GOLGA4: variants seen among roughly 807,000 people sequenced by gnomAD.
The protein encoded by GOLGA4 is golgin subfamily A member 4.
GOLGA4 carries 169 observed loss-of-function variants against 265.9 expected under a neutral mutation model. The observed-to-expected ratio is 0.64, with a 90% CI of 0.56 to 0.72. GOLGA4 has a LOEUF of 0.72. Ranked by LOEUF, GOLGA4 falls within the 30% of genes least tolerant of loss-of-function variation. The probability of loss-of-function intolerance (pLI) is 0.00; values close to 1 mark genes in which losing one functional copy is unlikely to be tolerated. For missense variants in GOLGA4, 2,482 were observed against 2,483.4 expected (o/e 1.00, Z 0.01); for synonymous variants, 923 against 855.8 (o/e 1.08, Z -1.37).
chr3:37,296,475 T>C (rs2096878629), intron 7 of GOLGA4, among the ~76,000 whole-genome samples: 1 of 152,150 alleles, frequency 6.6e-6, no homozygotes, highest in African/African-American at 2.4e-5. Flanking sequence ...TGGGCTGAGG[T>C]AGAAGTGTCC....
intron 2 of GOLGA4, chr3:37,275,768 G>C: frequency 6.2e-7 from 1 of 1,613,434 alleles, no homozygotes; most frequent in Non-Finnish European, 8.5e-7. Context: ...TGGAGCATTG[G>C]ATTTGCTAAA....
chr3:37,276,560 G>T, intron 2 of GOLGA4: 2 of 1,596,360 alleles, frequency 1.3e-6, no homozygotes, highest in South Asian at 1.1e-5. Context: ...AACATTTGTT[G>T]TCTGTAATGA....
chr3:37,248,967 CAA>C (rs1168314199), intron 1 of GOLGA4, among the ~76,000 whole-genome samples: 2 of 152,180 alleles, frequency 1.3e-5, no homozygotes, highest in African/African-American at 4.8e-5. Flanking sequence ...GTTGATTAGT[CAA>C]GAGGTATTTC....
intron 2 of GOLGA4, among the ~76,000 whole-genome samples, chr3:37,271,713 A>G (rs2096799231): frequency 6.6e-6 from 1 of 152,132 alleles, no homozygotes; most frequent in South Asian, 2.1e-4. Context: ...TTCCATCAGT[A>G]AATATTTTGG....
chr3:37,273,388 G>A, intron 2 of GOLGA4: 1 of 602,468 alleles, frequency 1.7e-6, no homozygotes, highest in Non-Finnish European at 2.9e-6. Context: ...TGCCTTGCAT[G>A]AAAACATTCT....
intron 3 of GOLGA4, among the ~76,000 whole-genome samples, chr3:37,283,775 C>T (rs2096841009): frequency 6.6e-6 from 1 of 152,178 alleles, no homozygotes; most frequent in Non-Finnish European, 1.5e-5. Context: ...GATCCTCCCA[C>T]CTCAGCCTCC....
intron 2 of GOLGA4, among the ~76,000 whole-genome samples, chr3:37,259,228 T>G (rs1323170245): frequency 6.6e-6 from 1 of 152,216 alleles, no homozygotes; most frequent in Non-Finnish European, 1.5e-5. Flanking sequence ...GTTTGTCCAT[T>G]TCATTTATCT....
intron 17 of GOLGA4, among the ~76,000 whole-genome samples, chr3:37,335,456 C>T (rs79693326): frequency 6.6e-6 from 1 of 152,140 alleles, no homozygotes; most frequent in East Asian, 1.9e-4. Flanking sequence ...TCCATGGAAA[C>T]AATAGCAGAG....
At chr3:37,359,473 T>G (rs1309375077) in intron 22 of GOLGA4, among the ~76,000 whole-genome samples, 2 of 152,228 alleles carry the variant, frequency 1.3e-5, no homozygotes, top group East Asian at 3.8e-4. Context: ...TAGCAAAATG[T>G]AATGACATAA....
intron 7 of GOLGA4, among the ~76,000 whole-genome samples, chr3:37,297,977 C>T (rs771303134): frequency 1.1e-4 from 16 of 151,494 alleles, no homozygotes; most frequent in Non-Finnish European, 1.9e-4. Flanking sequence ...TGCAGTGAGC[C>T]GAGATCATGC....
chr3:37,260,902 C>T (rs1359656043), intron 2 of GOLGA4, among the ~76,000 whole-genome samples: 2 of 151,736 alleles, frequency 1.3e-5, no homozygotes, highest in East Asian at 1.9e-4. Flanking sequence ...TGTGGTGGCT[C>T]ACACCTGTAA....
intron 19 of GOLGA4, among the ~76,000 whole-genome samples, chr3:37,338,178 C>T (rs1426899069): frequency 6.6e-6 from 1 of 152,092 alleles, no homozygotes; most frequent in Non-Finnish European, 1.5e-5. Context: ...ACAGTACACC[C>T]ATACCAGGAT....
At chr3:37,301,932 G>T (rs936778354) in intron 9 of GOLGA4, among the ~76,000 whole-genome samples, 1 of 152,098 alleles carries the variant, frequency 6.6e-6, no homozygotes, top group Admixed American at 6.6e-5. Flanking sequence ...GGGATTACAG[G>T]CATATACCAC....
chr3:37,315,165 C>G (rs1303397394), intron 10 of GOLGA4, among the ~76,000 whole-genome samples: 3 of 152,054 alleles, frequency 2.0e-5, no homozygotes, highest in Non-Finnish European at 4.4e-5. Flanking sequence ...TTATTTTTTC[C>G]AAACTTCTAA....
intron 4 of GOLGA4, among the ~76,000 whole-genome samples, chr3:37,287,151 G>A (rs1368304112): frequency 6.6e-6 from 1 of 152,200 alleles, no homozygotes. Context: ...GATGAGCCTG[G>A]CCAACATGAT....
chr3:37,259,005 G>A (rs2096762187), intron 2 of GOLGA4, among the ~76,000 whole-genome samples: 2 of 152,094 alleles, frequency 1.3e-5, no homozygotes. Context: ...AACGAGTTGG[G>A]AAGTGTTCAC....
At chr3:37,349,238 A>G (rs1287691927) in intron 21 of GOLGA4, among the ~76,000 whole-genome samples, 2 of 152,148 alleles carry the variant, frequency 1.3e-5, no homozygotes, top group African/African-American at 4.8e-5. Context: ...ACCATCTCTA[A>G]CTTTAAGGCG....
intron 2 of GOLGA4, among the ~76,000 whole-genome samples, chr3:37,260,709 A>G (rs746291139): frequency 6.6e-6 from 1 of 152,128 alleles, no homozygotes; most frequent in Non-Finnish European, 1.5e-5. Flanking sequence ...AAGACACTAA[A>G]GTTTTTTGCT....
intron 6 of GOLGA4, 73 bp from the exon 7 acceptor site, chr3:37,296,014 A>G: frequency 4.4e-6 from 6 of 1,353,756 alleles, no homozygotes; most frequent in Non-Finnish European, 6.3e-6. Context: ...AATCCCCCAC[A>G]GATACCAAGG....
Sources: allele counts gnomAD v4.1 joint callset (sites outside exome capture counted in the v4.1 genomes callset), GRCh38; gene constraint gnomAD v4.1.1; transcripts MANE v1.5; gene names NCBI Gene and HGNC (gene_info 2026-07-23, HGNC 2026-07-21).